The following LRIG1 variants were observed in gnomAD, a reference collection of about 807,000 sequenced individuals.
LRIG1 encodes leucine rich repeats and immunoglobulin like domains 1, also known as leucine-rich repeats and immunoglobulin-like domains protein 1.
A neutral mutation model predicts 99.2 loss-of-function variants in LRIG1; 48 were observed. That is an observed-to-expected ratio of 0.48 (90% CI 0.38 to 0.62). LRIG1 has a LOEUF of 0.62. Ranked by LOEUF, LRIG1 falls within the 20% of genes least tolerant of loss-of-function variation. The pLI is 0.00. For missense variants in LRIG1, 1,646 were observed against 1,434.4 expected, an observed-to-expected ratio of 1.15 and a Z score of -2.38; for synonymous variants, 772 against 596.1, an observed-to-expected ratio of 1.29 and a Z score of -4.30.
At position 66,398,147 on chromosome 3, in the gene LRIG1, A is replaced by C; in HGVS notation, c.1269T>G (p.Phe423Leu). The C allele has an allele frequency of 6.2e-7, 1 of 1,614,180 alleles. No individual in the cohort carries two copies. Among genetic ancestry groups the C allele is most frequent in the Non-Finnish European group, 8.5e-7 (1 of 1,179,970 alleles). The change falls in exon 11 of 19, where the codon TTT (phenylalanine) becomes TTG (leucine). Residue 423 changes from phenylalanine (F) to leucine (L), a missense_variant. Coordinates refer to ENST00000273261, the MANE Select transcript of LRIG1 (RefSeq NM_015541.3). ...LGGNAIRSVQ[F>L]DAFVKMKNLK... is the part of the protein sequence containing the mutation. The stretch of plus-strand genomic sequence containing the variant: ...GATTCTTCATCTTCACAAAGGCATC[A>C]AACTGGACAGATCTGATCGCATTCC...
intron 8 of LRIG1, 30 bp downstream of exon 8, chr3:66,407,318 C>A (rs755727429): frequency 6.2e-7 from 1 of 1,613,634 alleles, no homozygotes; most frequent in Middle Eastern, 1.7e-4. Context: ...ACTGGGGACC[C>A]CTTTATCCTG....
rs770308260 is a variant in LRIG1 at position 66,405,236 on chromosome 3, C to A, written c.1122G>T (p.Thr374=). ...HNEISGTIED[T]SGAFSGLDSL... Reference sequence around the variant, plus strand: ...TGTCGAGCCCTGAGAAGGCGCCGCTCGTGTCCTCTATTGTGCCCGAAATCT... The same window carrying A: ...TGTCGAGCCCTGAGAAGGCGCCGCTAGTGTCCTCTATTGTGCCCGAAATCT... Residue 374 remains threonine (T), a synonymous_variant, in exon 9 of 19, where the codon ACG becomes ACT. Transcript: ENST00000273261. 2 of 1,614,180 alleles carry A rather than the reference C, an allele frequency of 1.2e-6. No homozygotes were observed. The highest frequency in any genetic ancestry group is 1.6e-4 in the Middle Eastern group (1 of 6,062).
chr3:66,441,487 T>C lies in LRIG1; in HGVS notation c.365+10072A>G, dbSNP rs144516657. Among the ~76,000 whole-genome samples, 731 of 152,172 alleles carry C rather than the reference T, an allele frequency of 4.8e-3. 11 individuals carry two copies. The highest frequency in any genetic ancestry group is 0.013 in the African/African-American group (530 of 41,520). On this transcript the variant is annotated intron_variant, in intron 3 of 18. Transcript: ENST00000273261. ...CATGAGAGAGAGAGACAGGGAAAGA[T>C]AGTAGGGGGAAGGACCTTCTGTTAC...
At chr3:66,477,401 A>T (rs1700746921) in intron 1 of LRIG1, among the ~76,000 whole-genome samples, 1 of 152,208 alleles carries the variant, frequency 6.6e-6, no homozygotes, top group Non-Finnish European at 1.5e-5. Flanking sequence ...AATTCTGGCA[A>T]GGCAAAAATA....
rs770534011 is a variant in LRIG1, at chr3:66,382,969, G to A, written c.2491+13C>T. The A allele has an allele frequency of 2.5e-6, 4 of 1,584,918 alleles. No homozygotes were observed. The African/African-American group carries it at 5.4e-5, about 21-fold the overall frequency. ...TCCCTCCTTGAAAGTCAGCTCCGCT[G>A]GCAGGGCCTGACCTGTGTTGGTGAC... On this transcript the variant is annotated intron_variant, in intron 15 of 18. Coordinates refer to ENST00000273261, the MANE Select transcript of LRIG1 (RefSeq NM_015541.3).
intron 1 of LRIG1, among the ~76,000 whole-genome samples, chr3:66,468,447 C>T (rs1158373337): frequency 2.6e-5 from 4 of 152,200 alleles, no homozygotes; most frequent in Non-Finnish European, 5.9e-5. Context: ...ATGAGGTTTT[C>T]ATACTTGGTT....
At chr3:66,417,345 C>G (rs966335535) in intron 3 of LRIG1, 79 bp from the exon 4 acceptor site, 3 of 1,405,096 alleles carry the variant, frequency 2.1e-6, no homozygotes, top group South Asian at 1.2e-5. Context: ...CTGCACCCCA[C>G]CCCCCACCAA....
At chr3:66,405,705 TG>T (rs1419295144) in intron 8 of LRIG1, 2 of 1,099,580 alleles carry the variant, frequency 1.8e-6, no homozygotes, top group South Asian at 4.6e-5. Context: ...AGAAAGCACA[TG>T]GAAGAAAGAG....
intron 12 of LRIG1, chr3:66,386,692 G>C (rs76029444): frequency 0.032 from 5,302 of 167,504 alleles, 303 homozygotes; most frequent in African/African-American, 0.12. Context: ...AAAGGAGGGG[G>C]TGTAAAACAC....
intron 1 of LRIG1, among the ~76,000 whole-genome samples, chr3:66,497,847 C>A (rs3915033): frequency 0.78 from 118,560 of 152,054 alleles, 53,117 homozygotes; most frequent in Non-Finnish European, 0.99. Flanking sequence ...TTTCTAGACA[C>A]CGTGGGCTTA....
At chr3:66,500,043 C>G in intron 1 of LRIG1, 147 bp downstream of exon 1, 2 of 610,354 alleles carry the variant, frequency 3.3e-6, no homozygotes, top group Non-Finnish European at 5.4e-6. Context: ...GCCACTCCAA[C>G]CTGACAGTCT....
chr3:66,433,608 A>T (rs993510373), intron 3 of LRIG1, among the ~76,000 whole-genome samples: 2 of 152,222 alleles, frequency 1.3e-5, no homozygotes, highest in Non-Finnish European at 2.9e-5. Flanking sequence ...GCCCCAACTG[A>T]AAGACTTTGA....
chr3:66,462,911 T>C (rs1046304987), intron 1 of LRIG1, among the ~76,000 whole-genome samples: 1 of 151,934 alleles, frequency 6.6e-6, no homozygotes, highest in Admixed American at 6.6e-5. Context: ...CAAGCAGCAG[T>C]AAAGGAGAAA....
intron 8 of LRIG1, 83 bp from the exon 9 acceptor site, chr3:66,405,361 G>T: frequency 8.8e-7 from 1 of 1,130,684 alleles, no homozygotes; most frequent in Non-Finnish European, 1.3e-6. Context: ...CTGCTCGGAA[G>T]CTGAAGTCCC....
At chr3:66,467,725 GCAGA>G (rs1355893541) in intron 1 of LRIG1, among the ~76,000 whole-genome samples, 2 of 152,234 alleles carry the variant, frequency 1.3e-5, no homozygotes, top group African/African-American at 4.8e-5. Flanking sequence ...AATGTACAAT[GCAGA>G]CAGAGGTTAT....
Position 66,441,625 on chromosome 3 carries a change from G to A in LRIG1, c.365+9934C>T, listed in dbSNP as rs1374879929. Among the ~76,000 whole-genome samples the A allele has an allele frequency of 2.6e-5, 4 of 152,184 alleles. No individual in the cohort carries two copies. In the East Asian group the frequency reaches 7.7e-4, roughly 29 times the overall value. On this transcript the variant is annotated intron_variant, in intron 3 of 18. Coordinates refer to ENST00000273261, the MANE Select transcript of LRIG1 (RefSeq NM_015541.3). ...ACAGAGGCACGCAGCACCACTTTGGGAGATGCATGCTGCATTTGCAGGGTA... is the reference window on the plus strand; with the variant it reads ...ACAGAGGCACGCAGCACCACTTTGGAAGATGCATGCTGCATTTGCAGGGTA...
At position 66,410,204 on chromosome 3, in the gene LRIG1, T is replaced by A; in HGVS notation, c.860A>T (p.Gln287Leu). ...GATGGAATTGTTGCTGAGGTGGAGC[T>A]GATGCAGGGCCGTGAGGCCGTAGAG... ...GSLYGLTALH[Q>L]LHLSNNSIAR... Residue 287 changes from glutamine (Q) to leucine (L), a missense_variant, in exon 7 of 19, where the codon CAG (glutamine) becomes CTG (leucine). By Grantham distance (113) the Gln-to-Leu change is moderately radical. Transcript: ENST00000273261. 6.2e-7 allele frequency: 1 copy of A among 1,614,126 alleles called. No homozygotes were observed. The highest frequency in any genetic ancestry group is 8.5e-7 in the Non-Finnish European group (1 of 1,179,944).
intron 8 of LRIG1, among the ~76,000 whole-genome samples, chr3:66,406,882 G>A (rs1034212730): frequency 2.0e-5 from 3 of 152,214 alleles, no homozygotes; most frequent in Non-Finnish European, 4.4e-5. Flanking sequence ...TGCTGAAGAA[G>A]TTCAAATGCT....
rs978584353 is a variant in LRIG1 at position 66,500,988 on chromosome 3, C to T, written c.-581G>A. On this transcript the variant is annotated 5_prime_UTR_variant, in exon 1 of 19. Coordinates refer to ENST00000273261, the MANE Select transcript of LRIG1 (RefSeq NM_015541.3). ...CGGCTCCTCCGCGCAGCAAGAGTCCCGCCGACCTCGCAGCCGAACAATCAG... is the reference window on the plus strand; with the variant it reads ...CGGCTCCTCCGCGCAGCAAGAGTCCTGCCGACCTCGCAGCCGAACAATCAG... 1 of 152,242 alleles carries T rather than the reference C, an allele frequency of 6.6e-6. No individual in the cohort carries two copies. Among genetic ancestry groups the T allele is most frequent in the African/African-American group, 2.4e-5 (1 of 41,438 alleles). The allele number at this position is 152,242 out of a possible 1,614,324, so 9.4% of individuals were successfully genotyped here. A position where few individuals can be genotyped will look rare whatever the true frequency, so the allele number is the denominator to read the frequency against.
Sources: gnomAD v4.1 joint callset for allele counts (sites outside exome capture counted in the v4.1 genomes callset) on GRCh38, gnomAD v4.1.1 for gene constraint, MANE v1.5 for transcripts, NCBI Gene and HGNC (gene_info 2026-07-23, HGNC 2026-07-21) for gene names.